Variants in ACOXL observed in about 807,000 individuals in gnomAD.
The protein encoded by ACOXL is acyl-coenzyme A oxidase-like protein.
ACOXL carries 70 observed loss-of-function variants against 71.9 expected under a neutral mutation model. The ratio of observed to expected loss-of-function variants is 0.97; its 90% CI spans 0.80 to 1.19. ACOXL has a LOEUF of 1.19. Among genes scored for constraint, ACOXL ranks in the 50% most tolerant of loss-of-function variants. The pLI is 0.00. For missense variants in ACOXL, 703 were observed against 736.3 expected (o/e 0.95, Z 0.52); for synonymous variants, 253 against 281.6 (o/e 0.90, Z 1.02).
At position 111,078,655 on chromosome 2, in the gene ACOXL, A is replaced by C. The variant is rs189656507; in HGVS notation, c.1441-14210A>C. On this transcript the variant is annotated intron_variant, in intron 16 of 17. Transcript: ENST00000439055. ...TCATTAGATAATTTTTAGAATGGCT[A>C]CTTTAAAGCTTTTGCCAGATAATTC... Among the ~76,000 whole-genome samples the C allele has an allele frequency of 1.2e-4, 18 of 152,304 alleles. No homozygotes were observed. In the East Asian group the frequency reaches 2.7e-3, roughly 23 times the overall value.
At chr2:110,804,760 T>G (rs1273261443) in intron 8 of ACOXL, among the ~76,000 whole-genome samples, 1 of 151,908 alleles carries the variant, frequency 6.6e-6, no homozygotes, top group Non-Finnish European at 1.5e-5. Context: ...ATTCCATCTA[T>G]GTGAATTTTT....
chr2:110,950,489 C>T (rs190975618), intron 12 of ACOXL, among the ~76,000 whole-genome samples: 153 of 152,226 alleles, frequency 1.0e-3, no homozygotes, highest in Middle Eastern at 3.4e-3. Flanking sequence ...GAATGGATAG[C>T]GGCCAGACAT....
At chr2:110,939,423 C>T (rs1254382749) in intron 12 of ACOXL, among the ~76,000 whole-genome samples, 1 of 151,726 alleles carries the variant, frequency 6.6e-6, no homozygotes, top group Admixed American at 6.5e-5. Flanking sequence ...AATTTTAGAA[C>T]CCCCCTAATT....
At chr2:111,049,453 G>C (rs554299606) in intron 16 of ACOXL, among the ~76,000 whole-genome samples, 165 bp downstream of exon 16, 1 of 152,310 alleles carries the variant, frequency 6.6e-6, no homozygotes, top group Admixed American at 6.5e-5. Flanking sequence ...TGGTTAACGA[G>C]CACCACTGCT....
Position 110,945,283 on chromosome 2 carries a change from G to A in ACOXL, c.1059+11641G>A, listed in dbSNP as rs59316051. On this transcript the variant is annotated intron_variant, in intron 12 of 17. Transcript: ENST00000439055. ...GTTGGCAAATATTTTCTCCCATTCT[G>A]TAGGTTGTCTGTTTACTCTGTTGAT... Among the ~76,000 whole-genome samples, 236 of 151,616 alleles carry A rather than the reference G, an allele frequency of 1.6e-3. 1 individual carries two copies. Among genetic ancestry groups the A allele is most frequent in the African/African-American group, 5.5e-3 (229 of 41,362 alleles).
At chr2:110,998,659 G>GAT (rs1363941164) in intron 14 of ACOXL, among the ~76,000 whole-genome samples, 4 of 152,176 alleles carry the variant, frequency 2.6e-5, no homozygotes, top group African/African-American at 9.7e-5. Flanking sequence ...GAACTGAGTT[G>GAT]ATCTGGTAAT....
At chr2:110,978,941 C>T (rs536343407) in intron 12 of ACOXL, among the ~76,000 whole-genome samples, 53 of 152,168 alleles carry the variant, frequency 3.5e-4, no homozygotes, top group African/African-American at 9.6e-4. Context: ...CAACACTGGA[C>T]GGTTTGTTGT....
At chr2:110,898,206 CAG>C (rs2059092930) in intron 10 of ACOXL, among the ~76,000 whole-genome samples, 1 of 151,970 alleles carries the variant, frequency 6.6e-6, no homozygotes, top group African/African-American at 2.4e-5. Context: ...TTTTAGAAAA[CAG>C]AAGCAGAAAG....
At chr2:110,760,186 C>T (rs1680210692) in intron 1 of ACOXL, among the ~76,000 whole-genome samples, 2 of 150,450 alleles carry the variant, frequency 1.3e-5, no homozygotes, top group African/African-American at 2.4e-5. Flanking sequence ...GTTGCCCAGG[C>T]TGGAGTGCAG....
chr2:110,968,267 A>G (rs1324028422), intron 12 of ACOXL: 3 of 1,168,038 alleles, frequency 2.6e-6, no homozygotes, highest in African/African-American at 3.0e-5. Context: ...TTTACCTGCT[A>G]TTTGGATGCA....
chr2:110,831,985 T>C (rs1397737614), intron 9 of ACOXL, among the ~76,000 whole-genome samples: 2 of 151,444 alleles, frequency 1.3e-5, no homozygotes, highest in Non-Finnish European at 2.9e-5. Flanking sequence ...GAAAAAAAAA[T>C]AGAAACCAGC....
Position 110,908,898 on chromosome 2 carries a change from G to A in ACOXL, c.898G>A (p.Val300Ile), listed in dbSNP as rs191705193. ...HLATALALTF[V>I]SRYAGALLDE... The stretch of plus-strand genomic sequence containing the variant: ...GGCCACAGCCTTGGCCCTGACCTTC[G>A]TCAGCAGGTGAGATGGCTCTCAGGG... Residue 300 changes from valine (V) to isoleucine (I), a missense_variant, in exon 11 of 18, where the codon GTC becomes ATC. Transcript: ENST00000439055. 86 of 1,613,044 alleles carry A rather than the reference G, an allele frequency of 5.3e-5. No homozygotes were observed. Among genetic ancestry groups the A allele is most frequent in the Admixed American group, 2.2e-4 (13 of 59,936 alleles).
intron 12 of ACOXL, among the ~76,000 whole-genome samples, chr2:110,956,206 G>A (rs2061495965): frequency 6.6e-6 from 1 of 152,042 alleles, no homozygotes; most frequent in Admixed American, 6.6e-5. Context: ...GATTACAGGA[G>A]TGCCACAGAT....
At chr2:111,100,097 A>G (rs1401890824) in intron 17 of ACOXL, 1 of 152,250 alleles carries the variant, frequency 6.6e-6, no homozygotes, top group African/African-American at 2.4e-5. Context: ...ATGGAAAAGA[A>G]CAAGTACTTG....
chr2:111,049,105 AGGAC>A (rs1352041236), intron 15 of ACOXL, 109 bp from the exon 16 acceptor site: 2 of 851,834 alleles, frequency 2.3e-6, no homozygotes, highest in African/African-American at 1.7e-5. Context: ...TCACCAAGGA[AGGAC>A]GGACAGCATG....
At chr2:110,963,738 G>C in intron 12 of ACOXL, 2 of 1,613,064 alleles carry the variant, frequency 1.2e-6, no homozygotes, top group Non-Finnish European at 1.7e-6. Flanking sequence ...ATGTTTTCAA[G>C]ATCAAGAGTT....
chr2:110,968,205 G>A, intron 12 of ACOXL: 3 of 1,085,834 alleles, frequency 2.8e-6, no homozygotes, highest in Non-Finnish European at 4.2e-6. Context: ...GCCAAGTGTA[G>A]GTGACTGGCA....
At chr2:111,010,356 G>A (rs1009904502) in intron 14 of ACOXL, among the ~76,000 whole-genome samples, 3 of 152,002 alleles carry the variant, frequency 2.0e-5, no homozygotes, top group African/African-American at 7.2e-5. Context: ...AACACACTGG[G>A]CAAAAAGAGA....
chr2:111,015,793 A>G (rs1047832780), intron 14 of ACOXL, among the ~76,000 whole-genome samples: 4 of 152,238 alleles, frequency 2.6e-5, no homozygotes, highest in Admixed American at 1.3e-4. Flanking sequence ...GGCAATAAAA[A>G]TGAATAAACT....
Sources: allele counts gnomAD v4.1 joint callset (sites outside exome capture counted in the v4.1 genomes callset), GRCh38; gene constraint gnomAD v4.1.1; transcripts MANE v1.5; gene names NCBI Gene and HGNC (gene_info 2026-07-23, HGNC 2026-07-21).